ODAD2: variants seen among roughly 807,000 people sequenced by gnomAD.
ODAD2 encodes the protein outer dynein arm docking complex subunit 2.
A neutral mutation model predicts 106.8 loss-of-function variants in ODAD2; 89 were observed. The observed-to-expected ratio is 0.83, with a 90% CI of 0.70 to 0.99. The LOEUF (loss-of-function observed/expected upper bound fraction) is 0.99. Among genes scored for constraint, ODAD2 ranks in the 50% least tolerant of loss-of-function variants. The probability of loss-of-function intolerance (pLI) is 0.00; values close to 1 mark genes in which losing one functional copy is unlikely to be tolerated. For missense variants in ODAD2, 1,168 were observed against 1,238.5 expected (o/e 0.94, Z 0.85); for synonymous variants, 404 against 436.2 (o/e 0.93, Z 0.92).
chr10:27,867,319 T>A (rs1840514142), intron 17 of ODAD2, among the ~76,000 whole-genome samples: 1 of 152,138 alleles, frequency 6.6e-6, no homozygotes, highest in African/African-American at 2.4e-5. Context: ...GATGAACGGA[T>A]AAGACTACAA....
chr10:27,960,811 A>C (rs1351084331), intron 10 of ODAD2, among the ~76,000 whole-genome samples: 2 of 152,218 alleles, frequency 1.3e-5, no homozygotes, highest in African/African-American at 2.4e-5. Context: ...AAGCAGAAAG[A>C]AACCATGAGT....
intron 17 of ODAD2, among the ~76,000 whole-genome samples, chr10:27,865,949 G>GTAT (rs1454618224): frequency 4.6e-5 from 7 of 152,194 alleles, no homozygotes; most frequent in African/African-American, 1.4e-4. Context: ...ATTTCTGATA[G>GTAT]TTAGGACATA....
At chr10:27,975,905 ATC>A (rs1415760657) in intron 7 of ODAD2, among the ~76,000 whole-genome samples, 1 of 152,142 alleles carries the variant, frequency 6.6e-6, no homozygotes, top group African/African-American at 2.4e-5. Flanking sequence ...ACTTCTTAAA[ATC>A]TTAGCAAATT....
chr10:27,882,184 A>AGAAAGAAG (rs1841767401), intron 17 of ODAD2, among the ~76,000 whole-genome samples: 3 of 147,130 alleles, frequency 2.0e-5, no homozygotes, highest in Non-Finnish European at 4.5e-5. Flanking sequence ...AAAGAAAGAA[A>AGAAAGAAG]GAAAGAAAGA....
At chr10:27,896,785 C>A (rs997062985) in intron 17 of ODAD2, among the ~76,000 whole-genome samples, 1 of 152,104 alleles carries the variant, frequency 6.6e-6, no homozygotes, top group Non-Finnish European at 1.5e-5. Context: ...TATATAGATA[C>A]ATGCACAAAA....
At position 27,936,723 on chromosome 10, in the gene ODAD2, T is replaced by G; in HGVS notation, c.2252+3A>C. 1.9e-6 allele frequency: 3 copies of G among 1,613,932 alleles called. No individual in the cohort carries two copies. Among genetic ancestry groups the G allele is most frequent in the Non-Finnish European group, 2.5e-6 (3 of 1,179,886 alleles). On this transcript the variant is annotated splice_donor_region_variant and intron_variant, in intron 15 of 19. Coordinates refer to ENST00000305242, the MANE Select transcript of ODAD2 (RefSeq NM_018076.5). ...TTTCAGAATATTGAGAGCCTTCTCT[T>G]ACTTGGTAACATTCTCTTTGCTGAT...
At position 27,944,941 on chromosome 10, in the gene ODAD2, C is replaced by T. The variant is rs2132637337; in HGVS notation, c.1408G>A (p.Val470Met). The stretch of plus-strand genomic sequence containing the variant: ...TCCCTCATTGAACACAACGCAATCA[C>T]TGTAGCTGTTTGATTTCCTCCCTAC... Reference protein sequence around the residue: ...YLKGGNQTATVIALCSMRDFS... With the variant: ...YLKGGNQTATMIALCSMRDFS... Residue 470 changes from valine to methionine, a missense_variant, in exon 11 of 20, where the codon GTG becomes ATG. Around this residue, in one of 3 missense-constraint regions of ODAD2, gnomAD observed 37 missense variants for 74.1 expected, o/e 0.50. Coordinates refer to ENST00000305242, the MANE Select transcript of ODAD2 (RefSeq NM_018076.5). 6.2e-7 allele frequency: 1 copy of T among 1,614,162 alleles called. No homozygotes were observed. Among genetic ancestry groups the T allele is most frequent in the Non-Finnish European group, 8.5e-7 (1 of 1,179,990 alleles).
intron 19 of ODAD2, among the ~76,000 whole-genome samples, chr10:27,842,227 A>C (rs929138619): frequency 4.6e-5 from 7 of 152,196 alleles, no homozygotes; most frequent in Admixed American, 3.3e-4. Flanking sequence ...GTCTCTTCTT[A>C]AATGGTTGAG....
chr10:27,961,379 C>T (rs1848128700), intron 10 of ODAD2, among the ~76,000 whole-genome samples, 189 bp downstream of exon 10: 1 of 152,162 alleles, frequency 6.6e-6, no homozygotes, highest in South Asian at 2.1e-4. Context: ...AGCCTGGTTG[C>T]TCCATGAGGA....
intron 19 of ODAD2, among the ~76,000 whole-genome samples, chr10:27,847,698 A>G (rs1370365198): frequency 6.6e-6 from 1 of 152,158 alleles, no homozygotes; most frequent in Non-Finnish European, 1.5e-5. Context: ...AAATCTCCTT[A>G]AGCTGAGAAG....
chr10:27,974,462 C>T (rs1031584740), intron 7 of ODAD2, among the ~76,000 whole-genome samples: 1 of 152,188 alleles, frequency 6.6e-6, no homozygotes, highest in African/African-American at 2.4e-5. Flanking sequence ...CCAGTTATCC[C>T]AGCACCATTT....
At chr10:27,933,565 C>T (rs1003073452) in intron 16 of ODAD2, among the ~76,000 whole-genome samples, 1 of 152,120 alleles carries the variant, frequency 6.6e-6, no homozygotes, top group South Asian at 2.1e-4. Flanking sequence ...TAAAAGATGA[C>T]AGAGCCCAAC....
At chr10:27,920,560 A>G (rs1197819368) in intron 16 of ODAD2, among the ~76,000 whole-genome samples, 2 of 152,206 alleles carry the variant, frequency 1.3e-5, no homozygotes, top group Non-Finnish European at 2.9e-5. Context: ...GATTCACATA[A>G]TTACTCTCCA....
intron 7 of ODAD2, among the ~76,000 whole-genome samples, chr10:27,974,791 T>C (rs1321101453): frequency 2.0e-5 from 3 of 151,708 alleles, no homozygotes; most frequent in African/African-American, 7.3e-5. Context: ...TTTTTGGTAA[T>C]TTGATAGGAA....
intron 17 of ODAD2, among the ~76,000 whole-genome samples, chr10:27,898,942 T>G (rs1466116135): frequency 1.3e-5 from 2 of 152,106 alleles, no homozygotes; most frequent in Non-Finnish European, 2.9e-5. Context: ...AATATTATAT[T>G]TAGGATGACA....
chr10:27,864,736 T>C (rs1247932133), intron 17 of ODAD2, among the ~76,000 whole-genome samples: 3 of 151,868 alleles, frequency 2.0e-5, no homozygotes, highest in South Asian at 2.1e-4. Context: ...TTCTCTAAGG[T>C]TGTATGGGGG....
chr10:27,875,078 T>C (rs552273762), intron 17 of ODAD2, among the ~76,000 whole-genome samples: 1 of 152,326 alleles, frequency 6.6e-6, no homozygotes, highest in East Asian at 1.9e-4. Flanking sequence ...TTCTCTAAAC[T>C]TCTCTTCTCG....
intron 7 of ODAD2, among the ~76,000 whole-genome samples, chr10:27,972,246 A>G (rs181734711): frequency 6.0e-4 from 91 of 152,296 alleles, no homozygotes; most frequent in African/African-American, 2.2e-3. Flanking sequence ...GATATATATC[A>G]TAAGCCAGAG....
At chr10:27,888,851 A>G (rs1418319220) in intron 17 of ODAD2, among the ~76,000 whole-genome samples, 1 of 152,222 alleles carries the variant, frequency 6.6e-6, no homozygotes, top group Non-Finnish European at 1.5e-5. Context: ...ATGGTGTTGG[A>G]TGTTCACATG....
Sources: allele counts gnomAD v4.1 joint callset (sites outside exome capture counted in the v4.1 genomes callset), GRCh38; gene constraint gnomAD v4.1.1; regional missense constraint gnomAD v4.1.1; transcripts MANE v1.5; gene names NCBI Gene and HGNC (gene_info 2026-07-23, HGNC 2026-07-21).